The following PDE3A variants were observed in gnomAD, a reference collection of about 807,000 sequenced individuals.
PDE3A encodes the protein cGMP-inhibited 3',5'-cyclic phosphodiesterase 3A.
PDE3A carries 43 observed loss-of-function variants against 98.3 expected under a neutral mutation model. The ratio of observed to expected loss-of-function variants is 0.44; its 90% CI spans 0.34 to 0.56. The LOEUF is 0.56. PDE3A is among the 20% of genes least tolerant of loss of function. PDE3A has a pLI of 0.01. For missense variants in PDE3A, 1,427 were observed against 1,440.7 expected (o/e 0.99, Z 0.15); for synonymous variants, 663 against 567.9 (o/e 1.17, Z -2.38).
Position 20,582,572 on chromosome 12 carries a change from C to T in PDE3A, c.1011+25862C>T, listed in dbSNP as rs750048540. On this transcript the variant is annotated intron_variant, in intron 2 of 15. Transcript: ENST00000359062. Reference sequence around the variant, plus strand: ...AAAATTATAGTGATAAATATATATACGCTTATATAGTAGATAATTAAATTT... The same window carrying T: ...AAAATTATAGTGATAAATATATATATGCTTATATAGTAGATAATTAAATTT... Among the ~76,000 whole-genome samples, 70 of 151,880 alleles carry T rather than the reference C, an allele frequency of 4.6e-4. 1 individual carries two copies. Among genetic ancestry groups the T allele is most frequent in the Admixed American group, 1.4e-3 (22 of 15,248 alleles).
At chr12:20,523,520 T>C (rs1946466259) in intron 1 of PDE3A, among the ~76,000 whole-genome samples, 3 of 152,228 alleles carry the variant, frequency 2.0e-5, no homozygotes, top group African/African-American at 7.2e-5. Flanking sequence ...TAATTGTCTT[T>C]CTTTTTAAGT....
chr12:20,376,129 G>A (rs1943567526), intron 1 of PDE3A, among the ~76,000 whole-genome samples: 1 of 151,872 alleles, frequency 6.6e-6, no homozygotes, highest in Non-Finnish European at 1.5e-5. Context: ...ATAGTACACT[G>A]ATTGATTGTA....
At chr12:20,497,270 G>GA (rs1945937051) in intron 1 of PDE3A, among the ~76,000 whole-genome samples, 1 of 151,752 alleles carries the variant, frequency 6.6e-6, no homozygotes, top group Admixed American at 6.6e-5. Flanking sequence ...TATCTCAATT[G>GA]AAAAATGTAT....
At chr12:20,622,879 CA>C (rs1206878747) in intron 5 of PDE3A, among the ~76,000 whole-genome samples, 1 of 152,048 alleles carries the variant, frequency 6.6e-6, no homozygotes, top group African/African-American at 2.4e-5. Context: ...AGATCAGATT[CA>C]AACATGGAGC....
intron 1 of PDE3A, among the ~76,000 whole-genome samples, chr12:20,533,607 G>A (rs968511758): frequency 1.3e-5 from 2 of 150,684 alleles, no homozygotes; most frequent in Admixed American, 6.6e-5. Context: ...TCAGCCTCCC[G>A]AGTAGCTGGG....
At chr12:20,428,341 G>A (rs1944636150) in intron 1 of PDE3A, among the ~76,000 whole-genome samples, 1 of 152,090 alleles carries the variant, frequency 6.6e-6, no homozygotes, top group African/African-American at 2.4e-5. Flanking sequence ...GTGCAGAGGT[G>A]CGATCTCCAC....
chr12:20,444,550 C>G (rs1944922808), intron 1 of PDE3A, among the ~76,000 whole-genome samples: 1 of 152,148 alleles, frequency 6.6e-6, no homozygotes, highest in Admixed American at 6.5e-5. Context: ...TCTATGTTCC[C>G]TATATGTAGC....
At position 20,485,645 on chromosome 12, in the gene PDE3A, AC is replaced by A. The variant is rs1945714617; in HGVS notation, c.961-71014del. ...CATAATGAACTCTCTGCTGATATTG[AC>A]ATGAAAACTAGCACATTTTAAGGAT... On this transcript the variant is annotated intron_variant, in intron 1 of 15. Transcript: ENST00000359062. 3.9e-5 allele frequency among the ~76,000 whole-genome samples: 6 copies of A among 152,192 alleles called. 1 individual carries two copies. In the South Asian group the frequency reaches 1.2e-3, roughly 32 times the overall value.
At position 20,386,750 on chromosome 12, in the gene PDE3A, A is replaced by G. The variant is rs577873278; in HGVS notation, c.960+16506A>G. 2.6e-5 allele frequency among the ~76,000 whole-genome samples: 4 copies of G among 151,944 alleles called. No homozygotes were observed. In the South Asian group the frequency reaches 8.3e-4, roughly 32 times the overall value. The stretch of plus-strand genomic sequence containing the variant: ...TATAGGTTGTTTGTTCACTCTGATG[A>G]TTGTTTTGCTATGGAGAAGCTCTTT... On this transcript the variant is annotated intron_variant, in intron 1 of 15. Coordinates refer to ENST00000359062, the MANE Select transcript of PDE3A (RefSeq NM_000921.5).
Position 20,552,806 on chromosome 12 carries a change from G to C in PDE3A, c.961-3854G>C. On this transcript the variant is annotated intron_variant, in intron 1 of 15. Coordinates refer to ENST00000359062, the MANE Select transcript of PDE3A (RefSeq NM_000921.5). The surrounding 1 kb of genome is among the most constrained non-coding windows in gnomAD (Gnocchi z 5.1). The stretch of plus-strand genomic sequence containing the variant: ...GTGGAGGAGACGTTCCAGTGTATCT[G>C]CTGTCAGGAGCTGGTGTTCCGGCCC... 6.2e-7 allele frequency: 1 copy of C among 1,614,030 alleles called. No individual in the cohort carries two copies. The highest frequency in any genetic ancestry group is 8.5e-7 in the Non-Finnish European group (1 of 1,179,892).
At chr12:20,658,126 T>TA (rs1428927554) in intron 15 of PDE3A, among the ~76,000 whole-genome samples, 1 of 152,224 alleles carries the variant, frequency 6.6e-6, no homozygotes, top group Non-Finnish European at 1.5e-5. Flanking sequence ...TAATTTGCTT[T>TA]AAAAAATCTG....
At chr12:20,643,641 T>G (rs1331663334) in intron 10 of PDE3A, among the ~76,000 whole-genome samples, 3 of 151,994 alleles carry the variant, frequency 2.0e-5, no homozygotes, top group African/African-American at 7.3e-5. Context: ...TTTTATTTAG[T>G]ACTTTTAAAC....
chr12:20,386,581 T>A (rs1473102292), intron 1 of PDE3A, among the ~76,000 whole-genome samples: 4 of 151,944 alleles, frequency 2.6e-5, no homozygotes, highest in Non-Finnish European at 5.9e-5. Flanking sequence ...CCTCAAGTGA[T>A]CCACCTGCCT....
chr12:20,561,019 T>C (rs936324323), intron 2 of PDE3A, among the ~76,000 whole-genome samples: 1 of 137,016 alleles, frequency 7.3e-6, no homozygotes, highest in Non-Finnish European at 1.5e-5. Context: ...TCCCGGCACT[T>C]TGGGAGGCCG....
chr12:20,567,737 G>T (rs1168714595), intron 2 of PDE3A, among the ~76,000 whole-genome samples: 1 of 151,728 alleles, frequency 6.6e-6, no homozygotes, highest in Non-Finnish European at 1.5e-5. Context: ...TTTAATAGAA[G>T]CTTATGACAC....
intron 1 of PDE3A, among the ~76,000 whole-genome samples, chr12:20,439,886 G>A (rs2120837891): frequency 6.6e-6 from 1 of 152,214 alleles, no homozygotes; most frequent in Admixed American, 6.5e-5. Flanking sequence ...GCACTATCTA[G>A]TAGAGCTTTG....
At chr12:20,390,045 A>G (rs1481326904) in intron 1 of PDE3A, among the ~76,000 whole-genome samples, 1 of 151,928 alleles carries the variant, frequency 6.6e-6, no homozygotes, top group East Asian at 1.9e-4. Context: ...AGATGTGTTG[A>G]AGAGCTGGAC....
In PDE3A at chr12:20,369,898, TGCTGAG is replaced by T; in HGVS notation, c.625_630del (p.Arg209_Leu210del). On this transcript the variant is annotated inframe_deletion, in exon 1 of 16. Transcript: ENST00000359062. ...TGCTTGGCCGCCGCGACATGGCTGG[TGCTGAG>T]GCTGAGGCTGGGCGTCCTCATGATC... 1.2e-6 allele frequency: 2 copies of T among 1,612,340 alleles called. No individual in the cohort carries two copies. Among genetic ancestry groups the T allele is most frequent in the South Asian group, 2.2e-5 (2 of 91,056 alleles).
At chr12:20,506,487 T>C (rs896584782) in intron 1 of PDE3A, among the ~76,000 whole-genome samples, 1 of 152,102 alleles carries the variant, frequency 6.6e-6, no homozygotes, top group Non-Finnish European at 1.5e-5. Context: ...AATCATCTTA[T>C]GAAAGGATTA....
Sources: gnomAD v4.1 joint callset for allele counts (sites outside exome capture counted in the v4.1 genomes callset) on GRCh38, gnomAD v4.1.1 for gene constraint, Gnocchi (gnomAD v3.1) non-coding constraint, MANE v1.5 for transcripts, NCBI Gene and HGNC (gene_info 2026-07-23, HGNC 2026-07-21) for gene names.